The following ARHGEF10L variants were observed in gnomAD, a reference collection of about 807,000 sequenced individuals.
The protein encoded by ARHGEF10L is rho guanine nucleotide exchange factor 10-like protein.
A neutral mutation model predicts 141.2 loss-of-function variants in ARHGEF10L; 69 were observed. That is an observed-to-expected ratio of 0.49 (90% CI 0.40 to 0.60). The LOEUF (loss-of-function observed/expected upper bound fraction) is 0.60. Among genes scored for constraint, ARHGEF10L ranks in the 20% least tolerant of loss-of-function variants. ARHGEF10L has a pLI of 0.00. For synonymous variants in ARHGEF10L, 711 were observed against 718.5 expected, an observed-to-expected ratio of 0.99 and a Z score of 0.17; for missense variants, 1,482 against 1,734.3, an observed-to-expected ratio of 0.85 and a Z score of 2.58.
chr1:17,533,001 T>C, the ARHGEF10L span, among the ~76,000 whole-genome samples: 1 of 152,164 alleles, frequency 6.6e-6, no homozygotes, highest in Non-Finnish European at 1.5e-5. Flanking sequence ...GACTCAGGAA[T>C]GCCCCCTTCA....
Position 17,619,243 on chromosome 1 carries a change from T to C in ARHGEF10L, c.836-96T>C. ...AGCTGCTTGCACCCTAGGACCTGGG[T>C]CCAAGGCTGGTCTAGGGGGGCTCTC... On this transcript the variant is annotated intron_variant, in intron 9 of 28. Transcript: ENST00000361221. The surrounding 1 kb of genome is among the most constrained non-coding windows in gnomAD (Gnocchi z 5.0). 1.6e-6 allele frequency: 2 copies of C among 1,253,354 alleles called. No homozygotes were observed. Among genetic ancestry groups the C allele is most frequent in the South Asian group, 2.6e-5 (2 of 76,570 alleles). 77.6% of individuals were successfully genotyped at this position (1,253,354 alleles called of 1,614,324 possible). A position where few individuals can be genotyped will look rare whatever the true frequency, so the allele number is the denominator to read the frequency against.
chr1:17,532,007 C>T, the ARHGEF10L span, among the ~76,000 whole-genome samples: 1 of 152,124 alleles, frequency 6.6e-6, no homozygotes, highest in Non-Finnish European at 1.5e-5. Flanking sequence ...CACCCCCCAC[C>T]ACCACCCACC....
chr1:17,676,125 C>T (rs1271110339), intron 26 of ARHGEF10L, among the ~76,000 whole-genome samples: 1 of 141,368 alleles, frequency 7.1e-6, no homozygotes, highest in Admixed American at 7.1e-5. Context: ...GGCATGGGTG[C>T]AGGCGTGGGT....
intron 7 of ARHGEF10L, 122 bp downstream of exon 7, chr1:17,608,099 T>G: frequency 1.1e-5 from 12 of 1,053,294 alleles, no homozygotes; most frequent in East Asian, 3.3e-5. Flanking sequence ...GTCCCAGGGA[T>G]TCCCGGGTAT....
chr1:17,650,916 C>G (rs765741426), intron 22 of ARHGEF10L, among the ~76,000 whole-genome samples: 2 of 152,088 alleles, frequency 1.3e-5, no homozygotes, highest in Non-Finnish European at 2.9e-5. Context: ...AAGATAAATA[C>G]TATTTTAATG....
At chr1:17,609,649 G>A (rs1000178353) in intron 7 of ARHGEF10L, among the ~76,000 whole-genome samples, 2 of 152,106 alleles carry the variant, frequency 1.3e-5, no homozygotes, top group African/African-American at 2.4e-5. Flanking sequence ...ATGCCTTTAC[G>A]TAAACATGAG....
At chr1:17,664,699 C>A in intron 26 of ARHGEF10L, 104 bp downstream of exon 26, 1 of 1,362,174 alleles carries the variant, frequency 7.3e-7, no homozygotes, top group Non-Finnish European at 9.6e-7. Context: ...AGTGGCATTC[C>A]AAGGATCGAT....
intron 11 of ARHGEF10L, among the ~76,000 whole-genome samples, chr1:17,622,698 C>T (rs970502939): frequency 3.9e-5 from 6 of 152,186 alleles, no homozygotes; most frequent in Admixed American, 3.3e-4. Context: ...CAGTGACAGG[C>T]AGAGCTTCGC....
chr1:17,544,377 G>A (rs1280291168), intron 1 of ARHGEF10L, among the ~76,000 whole-genome samples: 1 of 151,476 alleles, frequency 6.6e-6, no homozygotes, highest in Non-Finnish European at 1.5e-5. Flanking sequence ...TACAACCTCT[G>A]CCTCCCACGC....
At chr1:17,692,558 G>A (rs114561579) in intron 27 of ARHGEF10L, among the ~76,000 whole-genome samples, 1,523 of 152,162 alleles carry the variant, frequency 0.01, 35 homozygotes, top group African/African-American at 0.035. Context: ...CAGCTCTGTC[G>A]CTCTGCTCCA....
rs762302615 is a variant in ARHGEF10L at position 17,613,118 on chromosome 1, G to T, written c.670G>T (p.Ala224Ser). The change falls in exon 8 of 29, where the codon GCT becomes TCT. Residue 224 changes from alanine (A) to serine (S), a missense_variant. Coordinates refer to ENST00000361221, the MANE Select transcript of ARHGEF10L (RefSeq NM_018125.4). ...CGCCAGGACTAAGAGAGACATCTTG[G>T]CTTTGAGAGTTGGGGGGAGAGACAT... ...RYARTKRDIL[A>S]LRVGGRDMQE... The T allele has an allele frequency of 8.6e-5, 139 of 1,613,944 alleles. No individual in the cohort carries two copies. Among genetic ancestry groups the T allele is most frequent in the Non-Finnish European group, 1.2e-4 (137 of 1,179,990 alleles).
At chr1:17,688,083 C>G (rs12091523) in intron 27 of ARHGEF10L, among the ~76,000 whole-genome samples, 3,330 of 152,304 alleles carry the variant, frequency 0.022, 126 homozygotes, top group African/African-American at 0.075. Context: ...TGCCCCACTG[C>G]CCAGGTTGAC....
chr1:17,587,749 C>T, intron 3 of ARHGEF10L, 104 bp downstream of exon 3: 1 of 1,296,066 alleles, frequency 7.7e-7, no homozygotes, highest in Non-Finnish European at 1.0e-6. Context: ...CTCCGCTGTC[C>T]CCAGAAAGCA....
intron 27 of ARHGEF10L, among the ~76,000 whole-genome samples, chr1:17,687,986 G>A (rs1180732738): frequency 6.6e-6 from 1 of 152,198 alleles, no homozygotes; most frequent in Non-Finnish European, 1.5e-5. Flanking sequence ...GGGCGCTCAG[G>A]AAATGGCCCC....
At chr1:17,601,898 A>T (rs2080717432) in intron 4 of ARHGEF10L, among the ~76,000 whole-genome samples, 1 of 152,200 alleles carries the variant, frequency 6.6e-6, no homozygotes, top group Non-Finnish European at 1.5e-5. Flanking sequence ...ATCACTGTGA[A>T]CAAGGTTGAT....
At chr1:17,655,392 C>CCATT (rs987259956) in intron 23 of ARHGEF10L, among the ~76,000 whole-genome samples, 5 of 152,204 alleles carry the variant, frequency 3.3e-5, no homozygotes, top group Non-Finnish European at 7.4e-5. Context: ...ACCCACCCAT[C>CCATT]CATTCATTCA....
chr1:17,604,840 C>A (rs1339932204), intron 6 of ARHGEF10L: 1 of 152,178 alleles, frequency 6.6e-6, no homozygotes, highest in African/African-American at 2.4e-5. Context: ...GTTGTTTAAC[C>A]CATTTGGCCT....
In ARHGEF10L at chr1:17,634,702, G is replaced by T. The variant is rs2060897584; in HGVS notation, c.1746-133G>T. 7 of 1,463,860 alleles carry T rather than the reference G, an allele frequency of 4.8e-6. No individual in the cohort carries two copies. In the Admixed American group the frequency reaches 1.2e-4, roughly 25 times the overall value. 90.7% of individuals were successfully genotyped at this position (1,463,860 alleles called of 1,614,324 possible). A position where few individuals can be genotyped will look rare whatever the true frequency, so the allele number is the denominator to read the frequency against. On this transcript the variant is annotated intron_variant, in intron 17 of 28. Transcript: ENST00000361221. ...AGGGATCCCTGCTCTGCCTGGCTTGGTTTTGGTCTGAGGTCTTGCGCTGGG... is the reference window on the plus strand; with the variant it reads ...AGGGATCCCTGCTCTGCCTGGCTTGTTTTTGGTCTGAGGTCTTGCGCTGGG...
the ARHGEF10L span, among the ~76,000 whole-genome samples, chr1:17,519,185 A>C: frequency 6.6e-6 from 1 of 151,690 alleles, no homozygotes; most frequent in South Asian, 2.1e-4. Context: ...AAAAAAAAAA[A>C]GGCATCAGCA....
Sources: gnomAD v4.1 joint callset for allele counts (sites outside exome capture counted in the v4.1 genomes callset) on GRCh38, gnomAD v4.1.1 for gene constraint, Gnocchi (gnomAD v3.1) non-coding constraint, MANE v1.5 for transcripts, NCBI Gene and HGNC (gene_info 2026-07-23, HGNC 2026-07-21) for gene names.